The following AKAP7 variants were observed in gnomAD, a reference collection of about 807,000 sequenced individuals.
AKAP7 encodes A kinase (PRKA) anchor protein 7.
Under a neutral mutation model 39.5 loss-of-function variants are expected in AKAP7, and 39 were observed. That is an observed-to-expected ratio of 0.99 (90% CI 0.76 to 1.29). The LOEUF (loss-of-function observed/expected upper bound fraction) is 1.29. AKAP7 is among the 50% of genes most tolerant of loss of function. The pLI, the probability that AKAP7 is intolerant of heterozygous loss-of-function variation, is 0.00. For missense variants in AKAP7, 414 were observed against 407.7 expected, an observed-to-expected ratio of 1.02 and a Z score of -0.13; for synonymous variants, 140 against 139.1, an observed-to-expected ratio of 1.01 and a Z score of -0.05.
chr6:131,258,388 C>G (rs927253725), intron 7 of AKAP7, among the ~76,000 whole-genome samples: 1 of 152,162 alleles, frequency 6.6e-6, no homozygotes, highest in African/African-American at 2.4e-5. Flanking sequence ...GTCTAACAAG[C>G]AAAGCCATGC....
At chr6:131,222,840 C>T (rs534053314) in intron 7 of AKAP7, among the ~76,000 whole-genome samples, 1 of 152,312 alleles carries the variant, frequency 6.6e-6, no homozygotes, top group African/African-American at 2.4e-5. Context: ...TATCAAACAG[C>T]ATTCCATGCT....
At chr6:131,173,015 C>T (rs1804221985) in intron 5 of AKAP7, among the ~76,000 whole-genome samples, 1 of 151,770 alleles carries the variant, frequency 6.6e-6, no homozygotes, top group African/African-American at 2.4e-5. Flanking sequence ...ACCAGCCTGG[C>T]CAATATGGTG....
At chr6:131,151,067 T>G (rs1484564589) in intron 2 of AKAP7, among the ~76,000 whole-genome samples, 1 of 152,030 alleles carries the variant, frequency 6.6e-6, no homozygotes, top group Admixed American at 6.6e-5. Flanking sequence ...TTTTGAGATG[T>G]AGTCTGGTGC....
intron 1 of AKAP7, among the ~76,000 whole-genome samples, chr6:131,136,426 A>ACTAT (rs1800548415): frequency 6.6e-6 from 1 of 152,246 alleles, no homozygotes; most frequent in Non-Finnish European, 1.5e-5. Context: ...AACTCATAGA[A>ACTAT]GAGTATAAAA....
In AKAP7 at chr6:131,165,099, A is replaced by G. The variant is rs763418978; in HGVS notation, c.310A>G (p.Ile104Val). The G allele has an allele frequency of 6.2e-7, 1 of 1,609,126 alleles. No individual in the cohort carries two copies. The highest frequency in any genetic ancestry group is 8.5e-7 in the Non-Finnish European group (1 of 1,178,078). ...TTATTAGATTATAAAAGGAATTAAG[A>G]TCCTGCAGAATGCAATAATACAACA... The part of the protein sequence containing the change: ...TNKEIIKGIK[I>V]LQNAIIQQDE... Residue 104 changes from isoleucine (I) to valine (V), a missense_variant, in exon 4 of 8, where the codon ATC becomes GTC. Ile to Val is a conservative substitution (Grantham distance 29). Transcript: ENST00000431975.
chr6:131,182,425 A>G (rs938020258), intron 5 of AKAP7, among the ~76,000 whole-genome samples: 3 of 152,172 alleles, frequency 2.0e-5, no homozygotes, highest in Admixed American at 6.5e-5. Flanking sequence ...TGACTGGCTG[A>G]TTTCACTTAA....
At chr6:131,257,653 C>G (rs150309239) in intron 7 of AKAP7, among the ~76,000 whole-genome samples, 1 of 152,168 alleles carries the variant, frequency 6.6e-6, no homozygotes, top group East Asian at 1.9e-4. Flanking sequence ...GCCTGTCTTC[C>G]TTTTGGGTTG....
chr6:131,265,897 C>T (rs1464567909), intron 7 of AKAP7, among the ~76,000 whole-genome samples: 5 of 152,122 alleles, frequency 3.3e-5, no homozygotes, highest in Non-Finnish European at 5.9e-5. Flanking sequence ...CGTACTATGA[C>T]GTCTGTTTGT....
chr6:131,263,774 G>A (rs1003129155), intron 7 of AKAP7, among the ~76,000 whole-genome samples: 2 of 152,120 alleles, frequency 1.3e-5, no homozygotes, highest in African/African-American at 4.8e-5. Context: ...GGTAGGTGAG[G>A]AAGGGATTTG....
At chr6:131,250,547 A>C (rs1274575568) in intron 7 of AKAP7, 1 of 1,613,866 alleles carries the variant, frequency 6.2e-7, no homozygotes, top group African/African-American at 1.3e-5. Context: ...AACACCAGGA[A>C]AGACAGACAG....
intron 7 of AKAP7, among the ~76,000 whole-genome samples, chr6:131,237,581 A>G (rs1434868763): frequency 6.6e-6 from 1 of 152,042 alleles, no homozygotes; most frequent in Non-Finnish European, 1.5e-5. Flanking sequence ...CCTCAATTTC[A>G]GAGCCTGTTA....
chr6:131,240,227 T>TG (rs1375887511), intron 7 of AKAP7, among the ~76,000 whole-genome samples: 1 of 152,196 alleles, frequency 6.6e-6, no homozygotes, highest in Non-Finnish European at 1.5e-5. Flanking sequence ...CAGCGGATAT[T>TG]GGTGAACAGC....
chr6:131,185,324 C>T (rs1009518862), intron 5 of AKAP7: 2 of 505,286 alleles, frequency 4.0e-6, no homozygotes, highest in Non-Finnish European at 7.5e-6. Context: ...CTTCATCCAG[C>T]TGTAATAATT....
At chr6:131,163,444 A>G (rs907961723) in intron 3 of AKAP7, among the ~76,000 whole-genome samples, 3 of 152,236 alleles carry the variant, frequency 2.0e-5, no homozygotes, top group South Asian at 2.1e-4. Flanking sequence ...CATTGTTTCA[A>G]TGGAAGACTG....
chr6:131,152,790 G>T (rs1465179270), intron 2 of AKAP7, among the ~76,000 whole-genome samples: 2 of 137,524 alleles, frequency 1.5e-5, no homozygotes, highest in Non-Finnish European at 3.0e-5. Flanking sequence ...TTGCACCACT[G>T]CACTGCAGCC....
At position 131,145,289 on chromosome 6, in the gene AKAP7, A is replaced by G. The variant is rs892422934; in HGVS notation, c.24A>G (p.Gly8=). Residue 8 remains glycine (G), a synonymous_variant, in exon 2 of 8, where the codon GGA becomes GGG. Coordinates refer to ENST00000431975, the MANE Select transcript of AKAP7 (RefSeq NM_016377.4). Reference sequence around the variant, plus strand: ...TCTGTTTGTGATATGTTAAAGGAGGAATTAATTCCAATGAGTGTGAAAATG... The same window carrying G: ...TCTGTTTGTGATATGTTAAAGGAGGGATTAATTCCAATGAGTGTGAAAATG... The part of the protein sequence containing the change: MERPEAG[G]INSNECENVS... The G allele has an allele frequency of 1.3e-6, 2 of 1,499,800 alleles. No homozygotes were observed. The highest frequency in any genetic ancestry group is 1.8e-6 in the Non-Finnish European group (2 of 1,113,722). The allele number at this position is 1,499,800 out of a possible 1,614,324, so 92.9% of individuals were successfully genotyped here. A position where few individuals can be genotyped will look rare whatever the true frequency, so the allele number is the denominator to read the frequency against.
chr6:131,185,452 A>G (rs749006047), intron 5 of AKAP7: 1 of 409,858 alleles, frequency 2.4e-6, no homozygotes, highest in Admixed American at 3.0e-5. Context: ...ACTGCTCCCA[A>G]GGAACTTCAT....
intron 5 of AKAP7, among the ~76,000 whole-genome samples, chr6:131,176,120 A>G (rs1371538581): frequency 6.6e-6 from 1 of 152,120 alleles, no homozygotes; most frequent in Non-Finnish European, 1.5e-5. Context: ...TGCTGTTACT[A>G]ACAGTTATTT....
Position 131,263,192 on chromosome 6 carries a change from A to G in AKAP7, c.851-18338A>G, listed in dbSNP as rs150938645. On this transcript the variant is annotated intron_variant, in intron 7 of 7. Transcript: ENST00000431975. ...ATGTAATGGCTCACCTATGCAAACA[A>G]CATGAAAGGGGTAGAGATCAGCCTT... Among the ~76,000 whole-genome samples the G allele has an allele frequency of 6.1e-3, 926 of 152,350 alleles. 10 individuals carry two copies. The highest frequency in any genetic ancestry group is 0.021 in the African/African-American group (868 of 41,586).
Sources: allele counts gnomAD v4.1 joint callset (sites outside exome capture counted in the v4.1 genomes callset), GRCh38; gene constraint gnomAD v4.1.1; transcripts MANE v1.5; gene names NCBI Gene and HGNC (gene_info 2026-07-23, HGNC 2026-07-21).